Variants in ALDH2 observed in about 807,000 individuals in gnomAD.
The protein encoded by ALDH2 is aldehyde dehydrogenase 2 family member.
ALDH2 carries 44 observed loss-of-function variants against 59.6 expected under a neutral mutation model. That is an observed-to-expected ratio of 0.74 (90% CI 0.58 to 0.95). ALDH2 has a LOEUF of 0.95. Among genes scored for constraint, ALDH2 ranks in the 40% least tolerant of loss-of-function variants. The probability of loss-of-function intolerance (pLI) is 0.00; values close to 1 mark genes in which losing one functional copy is unlikely to be tolerated. For synonymous variants in ALDH2, 291 were observed against 284.0 expected (o/e 1.02, Z -0.25); for missense variants, 570 against 696.3 (o/e 0.82, Z 2.04).
intron 12 of ALDH2, among the ~76,000 whole-genome samples, chr12:111,806,428 T>G (rs915098026): frequency 2.6e-5 from 4 of 152,160 alleles, no homozygotes; most frequent in Admixed American, 2.6e-4. Context: ...ACACAAGTGA[T>G]GTTTAAGGAA....
intron 6 of ALDH2, 67 bp from the exon 7 acceptor site, chr12:111,791,239 C>T: frequency 8.2e-7 from 1 of 1,217,312 alleles, no homozygotes; most frequent in Non-Finnish European, 1.2e-6. Flanking sequence ...AAGGATGTGT[C>T]TTCCCCTGGT....
At chr12:111,779,765 C>T (rs1028148206) in intron 1 of ALDH2, among the ~76,000 whole-genome samples, 3 of 152,214 alleles carry the variant, frequency 2.0e-5, no homozygotes, top group South Asian at 4.1e-4. Flanking sequence ...GACCATGGAC[C>T]CTGCCAGGAC....
chr12:111,771,969 C>T (rs1432811215), intron 1 of ALDH2, among the ~76,000 whole-genome samples: 1 of 151,904 alleles, frequency 6.6e-6, no homozygotes, highest in Non-Finnish European at 1.5e-5. Context: ...CCTGGTAGCC[C>T]ACGCTTGTAA....
At chr12:111,777,314 C>G (rs1418258001) in intron 1 of ALDH2, among the ~76,000 whole-genome samples, 2 of 152,158 alleles carry the variant, frequency 1.3e-5, no homozygotes, top group Non-Finnish European at 2.9e-5. Context: ...TGGTGTGGGG[C>G]TGGTTCTTGA....
chr12:111,807,916 G>C (rs934948715), intron 12 of ALDH2, among the ~76,000 whole-genome samples: 2 of 147,590 alleles, frequency 1.4e-5, no homozygotes, highest in African/African-American at 5.0e-5. Context: ...TTGCTCTGTT[G>C]CTCAGGCTGG....
In ALDH2 at chr12:111,799,907, T is replaced by G. The variant is rs1022047610; in HGVS notation, c.1250T>G (p.Ile417Ser). 5.0e-6 allele frequency: 8 copies of G among 1,613,156 alleles called. No homozygotes were observed. In the Admixed American group the frequency reaches 6.7e-5, roughly 13 times the overall value. ...QDGMTIAKEE[I>S]FGPVMQILKF... is the part of the protein sequence containing the mutation. ...TCCTACGCTGCTCTCTCACTCCAGA[T>G]CTTCGGGCCAGTGATGCAGATCCTG... Residue 417 changes from isoleucine (I) to serine (S), a missense_variant and splice_region_variant, in exon 11 of 13, where the codon ATC (isoleucine) becomes AGC (serine). By Grantham distance (142) the Ile-to-Ser change is moderately radical. Transcript: ENST00000261733.
intron 11 of ALDH2, among the ~76,000 whole-genome samples, chr12:111,801,702 A>T (rs2068452680): frequency 6.6e-6 from 1 of 152,018 alleles, no homozygotes; most frequent in Non-Finnish European, 1.5e-5. Flanking sequence ...CCAAAAAAAA[A>T]AAAAAAGAAC....
intron 1 of ALDH2, among the ~76,000 whole-genome samples, chr12:111,774,795 T>TGGGCACTGACCCTGCCCC (rs2068223318): frequency 6.6e-6 from 1 of 152,180 alleles, no homozygotes; most frequent in Non-Finnish European, 1.5e-5. Flanking sequence ...TGTCCTGCTC[T>TGGGCACTGACCCTGCCCC]GGGCACTGAC....
Position 111,791,246 on chromosome 12 carries a change from T to G in ALDH2, c.682-60T>G. On this transcript the variant is annotated intron_variant, in intron 6 of 12. Transcript: ENST00000261733. Reference sequence around the variant, plus strand: ...CTCTGAGAAAGGATGTGTCTTCCCCTGGTTGAGCCCTTCAGAATAGGAGGG... The same window carrying G: ...CTCTGAGAAAGGATGTGTCTTCCCCGGGTTGAGCCCTTCAGAATAGGAGGG... 3 of 1,300,544 alleles carry G rather than the reference T, an allele frequency of 2.3e-6. No individual in the cohort carries two copies. The South Asian group carries it at 3.7e-5, about 16-fold the overall frequency. The allele number at this position is 1,300,544 out of a possible 1,614,324, so 80.6% of individuals were successfully genotyped here.
At chr12:111,784,846 C>T (rs574655933) in intron 3 of ALDH2, among the ~76,000 whole-genome samples, 35 of 152,076 alleles carry the variant, frequency 2.3e-4, no homozygotes, top group Non-Finnish European at 4.7e-4. Flanking sequence ...ACACCTGCCT[C>T]GGCCTCCCAA....
chr12:111,779,844 G>T (rs972454612), intron 1 of ALDH2, among the ~76,000 whole-genome samples: 1 of 152,184 alleles, frequency 6.6e-6, no homozygotes, highest in Admixed American at 6.5e-5. Flanking sequence ...CAAGACCATC[G>T]CCCAGTGCCT....
intron 9 of ALDH2, among the ~76,000 whole-genome samples, chr12:111,794,999 C>A (rs193229433): frequency 6.6e-6 from 1 of 152,254 alleles, no homozygotes. Context: ...CATTCCTCCC[C>A]CTACCAGGCC....
Position 111,815,017 on chromosome 12 carries a change from G to T in ALDH2, c.*5442G>T, listed in dbSNP as rs532258397. On this transcript the variant is annotated 3_prime_UTR_variant, in exon 13 of 13. Coordinates refer to ENST00000261733, the MANE Select transcript of ALDH2 (RefSeq NM_000690.4). ...GGCTTATTCTGTGAAGGATAAAACA[G>T]AGCTGACATTTGTTCATTTGTATTG... is the stretch of plus-strand genomic sequence containing the variant. 1 of 152,154 alleles carries T rather than the reference G, an allele frequency of 6.6e-6. No individual in the cohort carries two copies. Among genetic ancestry groups the T allele is most frequent in the Non-Finnish European group, 1.5e-5 (1 of 67,990 alleles). The allele number at this position is 152,154 out of a possible 1,614,324, so 9.4% of individuals were successfully genotyped here.
rs1464300044 is a variant in ALDH2 at position 111,810,387 on chromosome 12, C to A, written c.*812C>A. 1.3e-5 allele frequency: 2 copies of A among 149,922 alleles called. No individual in the cohort carries two copies. Among genetic ancestry groups the A allele is most frequent in the East Asian group, 3.9e-4 (2 of 5,106 alleles). The allele number at this position is 149,922 out of a possible 1,614,324, so 9.3% of individuals were successfully genotyped here. On this transcript the variant is annotated 3_prime_UTR_variant, in exon 13 of 13. Coordinates refer to ENST00000261733, the MANE Select transcript of ALDH2 (RefSeq NM_000690.4). ...CACACTGGATATGATTTCTGCCCCT[C>A]CTCTGCTGTGGGTAAACAGCTTCTG...
chr12:111,767,031 T>C lies in ALDH2; in HGVS notation c.49T>C (p.Leu17=). 4.6e-6 allele frequency: 7 copies of C among 1,526,472 alleles called. No individual in the cohort carries two copies. Among genetic ancestry groups the C allele is most frequent in the Non-Finnish European group, 6.1e-6 (7 of 1,142,744 alleles). The allele number at this position is 1,526,472 out of a possible 1,614,324, so 94.6% of individuals were successfully genotyped here. A position where few individuals can be genotyped will look rare whatever the true frequency, so the allele number is the denominator to read the frequency against. The part of the protein sequence containing the change: ...RFGPRLGRRL[L]SAAATQAVPA... ...CGGGCCCCGCCTGGGCCGCCGCCTC[T>C]TGTCAGCCGCCGCCACCCAGGCCGT... Residue 17 remains leucine, a synonymous_variant, in exon 1 of 13, where the codon TTG becomes CTG. Coordinates refer to ENST00000261733, the MANE Select transcript of ALDH2 (RefSeq NM_000690.4).
At chr12:111,794,578 C>T (rs2068388520) in intron 9 of ALDH2, among the ~76,000 whole-genome samples, 1 of 152,146 alleles carries the variant, frequency 6.6e-6, no homozygotes, top group South Asian at 2.1e-4. Context: ...GTGATCATGG[C>T]TCACTGCAGG....
At chr12:111,790,385 AG>A in intron 5 of ALDH2, 48 bp from the exon 6 acceptor site, 2 of 1,612,710 alleles carry the variant, frequency 1.2e-6, no homozygotes, top group Non-Finnish European at 1.7e-6. Flanking sequence ...TACCCAGTGT[AG>A]TTCTCTGAGG....
chr12:111,799,818 A>G (rs759401887), intron 10 of ALDH2, 88 bp from the exon 11 acceptor site: 1 of 1,459,740 alleles, frequency 6.9e-7, no homozygotes, highest in East Asian at 2.3e-5. Flanking sequence ...TTATCCCCCA[A>G]TCTGGAATCA....
intron 4 of ALDH2, among the ~76,000 whole-genome samples, chr12:111,788,358 TC>T (rs1167960880): frequency 1.3e-5 from 2 of 152,146 alleles, no homozygotes; most frequent in Non-Finnish European, 2.9e-5. Context: ...ACTACTGGCA[TC>T]TAGTGGATAG....
Sources: allele counts gnomAD v4.1 joint callset (sites outside exome capture counted in the v4.1 genomes callset), GRCh38; gene constraint gnomAD v4.1.1; transcripts MANE v1.5; gene names NCBI Gene and HGNC (gene_info 2026-07-23, HGNC 2026-07-21).